The following EPHB1 variants were observed in gnomAD, a reference collection of about 807,000 sequenced individuals.
EPHB1 encodes ephrin type-B receptor 1.
Under a neutral mutation model 94.4 loss-of-function variants are expected in EPHB1, and 30 were observed. That is an observed-to-expected ratio of 0.32 (90% CI 0.24 to 0.43). The LOEUF (loss-of-function observed/expected upper bound fraction) is 0.43, where lower values mean the gene tolerates loss of function less well. EPHB1 is among the 20% of genes least tolerant of loss of function. The pLI, the probability that EPHB1 is intolerant of heterozygous loss-of-function variation, is 1.00. For missense variants in EPHB1, 1,055 were observed against 1,308.3 expected (o/e 0.81, Z 2.99); for synonymous variants, 522 against 489.1 (o/e 1.07, Z -0.89).
chr3:134,991,811 G>A (rs1320398069), intron 3 of EPHB1, among the ~76,000 whole-genome samples: 5 of 152,060 alleles, frequency 3.3e-5, no homozygotes, highest in African/African-American at 1.2e-4. Flanking sequence ...CACCTGACCC[G>A]TCATGTCCCC....
intron 3 of EPHB1, among the ~76,000 whole-genome samples, chr3:135,098,455 C>G (rs776880944): frequency 6.6e-6 from 1 of 152,166 alleles, no homozygotes; most frequent in South Asian, 2.1e-4. Context: ...GTGCAATATT[C>G]CATTATATGA....
chr3:135,123,747 A>T (rs1940078749), intron 4 of EPHB1, among the ~76,000 whole-genome samples: 1 of 151,924 alleles, frequency 6.6e-6, no homozygotes, highest in Non-Finnish European at 1.5e-5. Context: ...GAAAATAGTG[A>T]CATAGTATCT....
chr3:134,990,170 T>A (rs536273553), intron 3 of EPHB1, among the ~76,000 whole-genome samples: 1 of 152,316 alleles, frequency 6.6e-6, no homozygotes, highest in South Asian at 2.1e-4. Flanking sequence ...CCTGAGATTC[T>A]AGTACATTCA....
At chr3:135,096,478 G>A (rs1473280424) in intron 3 of EPHB1, among the ~76,000 whole-genome samples, 1 of 152,214 alleles carries the variant, frequency 6.6e-6, no homozygotes, top group Non-Finnish European at 1.5e-5. Context: ...AGGAGGATCT[G>A]AGATTCTGTG....
rs372559807 is a variant in EPHB1, at chr3:135,223,056, G to T, written c.2347-18092G>T. 6.6e-5 allele frequency among the ~76,000 whole-genome samples: 10 copies of T among 152,300 alleles called. No homozygotes were observed. In the East Asian group the frequency reaches 1.7e-3, roughly 26 times the overall value. Reference sequence around the variant, plus strand: ...ATTACAGTCCAGTCAATCACATTCAGAAATCATGTACTACACTTAGGCATA... The same window carrying T: ...ATTACAGTCCAGTCAATCACATTCATAAATCATGTACTACACTTAGGCATA... On this transcript the variant is annotated intron_variant, in intron 12 of 15. Transcript: ENST00000398015.
At chr3:134,801,370 G>A (rs2035931786) in intron 1 of EPHB1, among the ~76,000 whole-genome samples, 1 of 152,206 alleles carries the variant, frequency 6.6e-6, no homozygotes, top group Non-Finnish European at 1.5e-5. Flanking sequence ...CAGCAGAGAA[G>A]TGTCCCCAAA....
chr3:134,991,019 CTCTTTTTCTG>C (rs1437577268), intron 3 of EPHB1, among the ~76,000 whole-genome samples: 1 of 152,068 alleles, frequency 6.6e-6, no homozygotes, highest in East Asian at 1.9e-4. Context: ...CCACGTGGAG[CTCTTTTTCTG>C]TCTTTTTCAT....
In EPHB1 at chr3:135,248,459, G is replaced by A. The variant is rs1367646433; in HGVS notation, c.2640G>A (p.Lys880=). ...RFAEIVNTLD[K]MIRNPASLKT... ...CGGAGATTGTCAACACCCTAGATAA[G>A]ATGATCCGGAACCCGGCAAGTCTCA... The change falls in exon 14 of 16, where the codon AAG becomes AAA. Residue 880 remains lysine, a synonymous_variant. Transcript: ENST00000398015. The A allele has an allele frequency of 3.1e-6, 5 of 1,613,342 alleles. No individual in the cohort carries two copies. The highest frequency in any genetic ancestry group is 4.2e-6 in the Non-Finnish European group (5 of 1,179,490).
At chr3:135,018,266 C>A (rs554312526) in intron 3 of EPHB1, among the ~76,000 whole-genome samples, 11 of 152,276 alleles carry the variant, frequency 7.2e-5, no homozygotes, top group African/African-American at 2.4e-4. Context: ...CATGTGCTGA[C>A]AAGTGGCTAA....
At chr3:135,238,909 T>C (rs575582255) in intron 12 of EPHB1, among the ~76,000 whole-genome samples, 7 of 152,236 alleles carry the variant, frequency 4.6e-5, no homozygotes, top group Admixed American at 3.9e-4. Flanking sequence ...ACTTGGGGTC[T>C]CTGCACTATC....
intron 3 of EPHB1, among the ~76,000 whole-genome samples, chr3:134,964,437 A>C (rs1933651710): frequency 6.6e-6 from 1 of 152,266 alleles, no homozygotes; most frequent in Admixed American, 6.5e-5. Context: ...AGTTTGACAG[A>C]GGACATAAGG....
intron 1 of EPHB1, among the ~76,000 whole-genome samples, chr3:134,874,821 T>C (rs1186888476): frequency 1.3e-5 from 2 of 152,226 alleles, no homozygotes; most frequent in Non-Finnish European, 2.9e-5. Flanking sequence ...GTGTTCATGA[T>C]TGTAGTTACC....
intron 3 of EPHB1, among the ~76,000 whole-genome samples, chr3:135,080,147 G>A (rs1235467701): frequency 6.6e-6 from 1 of 152,190 alleles, no homozygotes; most frequent in Non-Finnish European, 1.5e-5. Flanking sequence ...GCTGTTACTT[G>A]TAAGATTGGG....
intron 1 of EPHB1, among the ~76,000 whole-genome samples, chr3:134,818,796 G>A (rs2036321591): frequency 6.6e-6 from 1 of 152,170 alleles, no homozygotes; most frequent in Non-Finnish European, 1.5e-5. Context: ...GTTTGGGTTG[G>A]TTCCACGATT....
Position 134,951,227 on chromosome 3 carries a change from G to A in EPHB1, c.124-144G>A. ...TTAAAATCAAGTTGCGCTTAGATGT[G>A]TTCATTTCTCAAGTCAATCTGCTGG... On this transcript the variant is annotated intron_variant, in intron 2 of 15. Coordinates refer to ENST00000398015, the MANE Select transcript of EPHB1 (RefSeq NM_004441.5). The surrounding 1 kb of genome is among the most constrained non-coding windows in gnomAD (Gnocchi z 4.5). The A allele has an allele frequency of 1.5e-6, 1 of 672,140 alleles. No individual in the cohort carries two copies. Among genetic ancestry groups the A allele is most frequent in the Non-Finnish European group, 2.3e-6 (1 of 426,408 alleles). 41.6% of individuals were successfully genotyped at this position (672,140 alleles called of 1,614,324 possible).
chr3:134,880,619 C>T (rs1289963233), intron 1 of EPHB1, among the ~76,000 whole-genome samples: 1 of 152,248 alleles, frequency 6.6e-6, no homozygotes, highest in Admixed American at 6.5e-5. Context: ...GAGGGCCCAT[C>T]ACCAGAGGCC....
At chr3:135,120,104 T>C (rs1023304596) in intron 4 of EPHB1, among the ~76,000 whole-genome samples, 1 of 152,188 alleles carries the variant, frequency 6.6e-6, no homozygotes, top group Non-Finnish European at 1.5e-5. Context: ...TTAAACGTTG[T>C]TTTCTTCAAG....
chr3:135,247,441 A>G (rs1026041576), intron 13 of EPHB1, among the ~76,000 whole-genome samples: 1 of 152,218 alleles, frequency 6.6e-6, no homozygotes, highest in Non-Finnish European at 1.5e-5. Flanking sequence ...GGTGTACCAT[A>G]ATAAATTCAT....
chr3:135,145,679 G>A (rs1377749286), intron 5 of EPHB1, among the ~76,000 whole-genome samples: 1 of 152,180 alleles, frequency 6.6e-6, no homozygotes, highest in Non-Finnish European at 1.5e-5. Context: ...GAGATGGGGA[G>A]GGACCCAGCC....
Sources: allele counts gnomAD v4.1 joint callset (sites outside exome capture counted in the v4.1 genomes callset), GRCh38; gene constraint gnomAD v4.1.1; non-coding constraint Gnocchi (gnomAD v3.1); transcripts MANE v1.5; gene names NCBI Gene and HGNC (gene_info 2026-07-23, HGNC 2026-07-21).